The following MKRN1 variants were observed in gnomAD, a reference collection of about 807,000 sequenced individuals.
MKRN1 encodes the protein makorin ring finger protein 1.
In MKRN1, 9 loss-of-function variants were observed where a neutral mutation model predicts 55.5. The ratio of observed to expected loss-of-function variants is 0.16; its 90% CI spans 0.10 to 0.28. The LOEUF (loss-of-function observed/expected upper bound fraction) is 0.28, where lower values mean the gene tolerates loss of function less well. Among genes scored for constraint, MKRN1 ranks in the 10% least tolerant of loss-of-function variants. MKRN1 has a pLI of 1.00. For synonymous variants in MKRN1, 253 were observed against 235.9 expected (o/e 1.07, Z -0.66); for missense variants, 488 against 626.7 (o/e 0.78, Z 2.36).
intron 1 of MKRN1, chr7:140,472,448 AAAG>A (rs1195614095): frequency 6.3e-6 from 1 of 158,626 alleles, no homozygotes; most frequent in Non-Finnish European, 1.4e-5. Flanking sequence ...AAAAAAATAA[AAAG>A]AAGGTGATAA....
At position 140,456,605 on chromosome 7, in the gene MKRN1, C is replaced by A. The variant is rs753055644; in HGVS notation, c.986+47G>T. 5.0e-6 allele frequency: 8 copies of A among 1,598,598 alleles called. No individual in the cohort carries two copies. The South Asian group carries it at 8.9e-5, about 18-fold the overall frequency. ...GAAAGTTGGCACAAGTTACTAAATT[C>A]TTCCCCAAAAGAGAAAGCACAAATG... On this transcript the variant is annotated intron_variant, in intron 5 of 7. Coordinates refer to ENST00000255977, the MANE Select transcript of MKRN1 (RefSeq NM_013446.4).
At chr7:140,468,844 A>G (rs781651241) in intron 2 of MKRN1, among the ~76,000 whole-genome samples, 21 of 152,058 alleles carry the variant, frequency 1.4e-4, no homozygotes, top group Non-Finnish European at 2.5e-4. Context: ...CAAAGTTTCT[A>G]TGAGATCAAC....
In MKRN1 at chr7:140,455,268, T is replaced by C. The variant is rs369132756; in HGVS notation, c.1098-35A>G. On this transcript the variant is annotated intron_variant, in intron 6 of 7. Transcript: ENST00000255977. ...AAAATATCGCAACCCTTATTCACAG[T>C]GGATTTCAGGTCTGTATTTGACTAT... The C allele has an allele frequency of 3.5e-5, 57 of 1,612,884 alleles. 1 individual carries two copies. The African/African-American group carries it at 6.7e-4, about 19-fold the overall frequency.
intron 1 of MKRN1, among the ~76,000 whole-genome samples, chr7:140,477,689 C>T (rs1369899640): frequency 6.6e-6 from 1 of 151,696 alleles, no homozygotes; most frequent in African/African-American, 2.4e-5. Flanking sequence ...AACTCCTTAC[C>T]TCAGGCGATC....
intron 1 of MKRN1, among the ~76,000 whole-genome samples, chr7:140,475,534 C>G (rs781135848): frequency 6.6e-6 from 1 of 151,946 alleles, no homozygotes; most frequent in South Asian, 2.1e-4. Context: ...GGTGGTGGCA[C>G]GTGCCTGTAA....
chr7:140,472,307 A>G (rs10267810), intron 1 of MKRN1: 67,761 of 328,254 alleles, frequency 0.21, 12,340 homozygotes, highest in African/African-American at 0.64. Context: ...GGTGGCACAC[A>G]TGTTAATCCC....
At chr7:140,473,346 G>C in intron 1 of MKRN1, 1 of 405,692 alleles carries the variant, frequency 2.5e-6, no homozygotes, top group Non-Finnish European at 4.8e-6. Context: ...TGCAGTAAAA[G>C]ACAAAATTTA....
intron 1 of MKRN1, among the ~76,000 whole-genome samples, chr7:140,476,760 T>C (rs943028252): frequency 1.4e-4 from 21 of 151,488 alleles, no homozygotes; most frequent in African/African-American, 5.1e-4. Flanking sequence ...AGGGCCCTAC[T>C]CTTCTCAGAG....
At chr7:140,476,097 T>C (rs1034153286) in intron 1 of MKRN1, among the ~76,000 whole-genome samples, 1 of 152,188 alleles carries the variant, frequency 6.6e-6, no homozygotes, top group African/African-American at 2.4e-5. Context: ...AAAATAGCTT[T>C]AGTCAAATTC....
intron 2 of MKRN1, among the ~76,000 whole-genome samples, chr7:140,466,454 T>C (rs1419994209): frequency 6.6e-6 from 1 of 152,174 alleles, no homozygotes; most frequent in Non-Finnish European, 1.5e-5. Context: ...CAGTTGAGGC[T>C]GGGAGTTTGA....
At chr7:140,457,497 G>A (rs1174231861) in intron 4 of MKRN1, among the ~76,000 whole-genome samples, 1 of 152,116 alleles carries the variant, frequency 6.6e-6, no homozygotes, top group Non-Finnish European at 1.5e-5. Context: ...GGAAGGCCAA[G>A]GTTGGGTGGA....
In MKRN1 at chr7:140,454,559, C is replaced by G. The variant is rs1794413242; in HGVS notation, c.1407G>C (p.Leu469Phe). 1 of 1,613,098 alleles carries G rather than the reference C, an allele frequency of 6.2e-7. No individual in the cohort carries two copies. The highest frequency in any genetic ancestry group is 8.5e-7 in the Non-Finnish European group (1 of 1,179,880). ...ELTDSEDEWD[L>F]FHDELEDFYD... ...AAAAATCTTCCAGCTCATCATGAAA[C>G]AAGTCCCACTCATCTTCAGAGTCTG... Residue 469 changes from leucine to phenylalanine, a missense_variant, in exon 8 of 8, where the codon TTG becomes TTC. This residue lies in a region of MKRN1 where 278 missense variants were observed against 406.7 expected (regional missense o/e 0.68). Transcript: ENST00000255977.
At chr7:140,479,009 G>A in intron 1 of MKRN1, 151 bp downstream of exon 1, 1 of 978,866 alleles carries the variant, frequency 1.0e-6, no homozygotes, top group Non-Finnish European at 1.3e-6. Context: ...GGCGGCAGCG[G>A]GGGCCGCGAG....
intron 4 of MKRN1, among the ~76,000 whole-genome samples, chr7:140,457,513 T>C (rs1794502458): frequency 6.6e-6 from 1 of 152,082 alleles, no homozygotes; most frequent in Admixed American, 6.6e-5. Context: ...GTGGATCACA[T>C]GAGGCCTGGA....
At chr7:140,456,503 A>G (rs1794470314) in intron 5 of MKRN1, 149 bp downstream of exon 5, 1 of 1,446,838 alleles carries the variant, frequency 6.9e-7, no homozygotes, top group Non-Finnish European at 9.1e-7. Flanking sequence ...GCTAGCTGAA[A>G]TACAAAGAAG....
chr7:140,467,014 G>C lies in MKRN1; in HGVS notation c.314+4869C>G, dbSNP rs552665430. The stretch of plus-strand genomic sequence containing the variant: ...TTTTTTGAGACAGAGTTTCGCTCTT[G>C]TTGCCCAGGCTGGACTGCAATGGTA... On this transcript the variant is annotated intron_variant, in intron 2 of 7. Transcript: ENST00000255977. Among the ~76,000 whole-genome samples, 339 of 148,182 alleles carry C rather than the reference G, an allele frequency of 2.3e-3. 1 individual carries two copies. Among genetic ancestry groups the C allele is most frequent in the Admixed American group, 4.2e-3 (61 of 14,636 alleles).
intron 1 of MKRN1, chr7:140,475,330 C>T (rs1422169535): frequency 1.1e-5 from 4 of 366,962 alleles, no homozygotes; most frequent in African/African-American, 1.0e-4. Flanking sequence ...GCGACACAGA[C>T]TCCATCTCAG....
chr7:140,460,085 C>T (rs1454741268), intron 2 of MKRN1, 149 bp from the exon 3 acceptor site: 5 of 686,832 alleles, frequency 7.3e-6, no homozygotes, highest in Middle Eastern at 7.9e-4. Context: ...CCCGTCACTA[C>T]CAAAAACGCA....
At position 140,459,247 on chromosome 7, in the gene MKRN1, A is replaced by T; in HGVS notation, c.545-14T>A. The T allele has an allele frequency of 6.2e-7, 1 of 1,613,256 alleles. No individual in the cohort carries two copies. Among genetic ancestry groups the T allele is most frequent in the Non-Finnish European group, 8.5e-7 (1 of 1,179,394 alleles). ...AGGAAGGCGCAGCTGAAAATGTGTA[A>T]GAGGGTGGTAAAGGTCCAAATAGAT... is the stretch of plus-strand genomic sequence containing the variant. On this transcript the variant is annotated splice_polypyrimidine_tract_variant and intron_variant, in intron 3 of 7. Coordinates refer to ENST00000255977, the MANE Select transcript of MKRN1 (RefSeq NM_013446.4).
Sources: allele counts gnomAD v4.1 joint callset (sites outside exome capture counted in the v4.1 genomes callset), GRCh38; gene constraint gnomAD v4.1.1; regional missense constraint gnomAD v4.1.1; transcripts MANE v1.5; gene names NCBI Gene and HGNC (gene_info 2026-07-23, HGNC 2026-07-21).